Variants in SYN3 observed in about 807,000 individuals in gnomAD.
SYN3 encodes the protein synapsin-3.
A neutral mutation model predicts 65.8 loss-of-function variants in SYN3; 35 were observed. The ratio of observed to expected loss-of-function variants is 0.53; its 90% CI spans 0.41 to 0.70. The LOEUF (loss-of-function observed/expected upper bound fraction) is 0.70. Ranked by LOEUF, SYN3 falls within the 30% of genes least tolerant of loss-of-function variation. The pLI is 0.00. For synonymous variants in SYN3, 270 were observed against 292.9 expected (o/e 0.92, Z 0.80); for missense variants, 680 against 749.0 (o/e 0.91, Z 1.08).
At chr22:32,661,503 C>G (rs369616740) in intron 6 of SYN3, among the ~76,000 whole-genome samples, 3 of 152,342 alleles carry the variant, frequency 2.0e-5, no homozygotes, top group South Asian at 4.1e-4. Context: ...TCCTTTCTTA[C>G]TTACTTTCTT....
chr22:32,697,153 G>C (rs548320510), intron 6 of SYN3, among the ~76,000 whole-genome samples: 1 of 152,292 alleles, frequency 6.6e-6, no homozygotes, highest in Non-Finnish European at 1.5e-5. Context: ...ACCCTCTCCT[G>C]CTTTAAATGC....
intron 6 of SYN3, among the ~76,000 whole-genome samples, chr22:32,652,792 A>G (rs1321132866): frequency 6.6e-6 from 1 of 152,198 alleles, no homozygotes; most frequent in Non-Finnish European, 1.5e-5. Flanking sequence ...TTAGCGGCAG[A>G]GAGGAGATCA....
chr22:33,023,428 G>C (rs1180046190), intron 1 of SYN3, among the ~76,000 whole-genome samples: 3 of 152,128 alleles, frequency 2.0e-5, no homozygotes, highest in Non-Finnish European at 4.4e-5. Flanking sequence ...CTTCCACCAC[G>C]ATTGTGAGGC....
intron 6 of SYN3, among the ~76,000 whole-genome samples, chr22:32,613,213 T>C (rs1217001158): frequency 6.6e-6 from 1 of 151,964 alleles, no homozygotes; most frequent in African/African-American, 2.4e-5. Flanking sequence ...TTTTAATTAA[T>C]TTTTTAAATA....
At chr22:32,658,516 A>T (rs1175247086) in intron 6 of SYN3, among the ~76,000 whole-genome samples, 1 of 152,224 alleles carries the variant, frequency 6.6e-6, no homozygotes, top group African/African-American at 2.4e-5. Context: ...GATGGCAAAA[A>T]TACACATCTC....
intron 6 of SYN3, among the ~76,000 whole-genome samples, chr22:32,790,293 G>T (rs2046292771): frequency 6.6e-6 from 1 of 152,096 alleles, no homozygotes. Context: ...ACAGATGAAA[G>T]TTACCCTGAA....
chr22:33,006,688 G>C lies in SYN3; in HGVS notation c.-26C>G. On this transcript the variant is annotated 5_prime_UTR_variant, in exon 2 of 14. Transcript: ENST00000358763. ...GGCTGTGGATGGATGGAGATGACTG[G>C]CTCCTACCCAGACGTGTGTAGGTGA... The C allele has an allele frequency of 6.4e-7, 1 of 1,552,616 alleles. No homozygotes were observed. The highest frequency in any genetic ancestry group is 8.7e-7 in the Non-Finnish European group (1 of 1,148,602).
intron 6 of SYN3, among the ~76,000 whole-genome samples, chr22:32,782,014 T>C (rs2046078081): frequency 6.6e-6 from 1 of 152,106 alleles, no homozygotes; most frequent in African/African-American, 2.4e-5. Flanking sequence ...CTTCAGAACT[T>C]TTTTTCTGAA....
At chr22:33,000,504 G>A (rs1306689321) in intron 2 of SYN3, among the ~76,000 whole-genome samples, 1 of 152,134 alleles carries the variant, frequency 6.6e-6, no homozygotes, top group African/African-American at 2.4e-5. Flanking sequence ...CATCAGGCAG[G>A]GAAGAGTGGT....
chr22:32,984,106 G>A lies in SYN3; in HGVS notation c.312-3404C>T, dbSNP rs568548457. 3.5e-5 allele frequency among the ~76,000 whole-genome samples: 5 copies of A among 142,202 alleles called. No individual in the cohort carries two copies. In the East Asian group the frequency reaches 1.1e-3, roughly 30 times the overall value. The allele number at this position is 142,202 out of a possible 152,430, so 93.3% of individuals were successfully genotyped here. A position where few individuals can be genotyped will look rare whatever the true frequency, so the allele number is the denominator to read the frequency against. On this transcript the variant is annotated intron_variant, in intron 2 of 13. Coordinates refer to ENST00000358763, the MANE Select transcript of SYN3 (RefSeq NM_003490.4). ...GAACCTGGGAGGCAGAAGTTGCAGT[G>A]AGCCAAGATTGCGCCATTGTACTCC...
At chr22:32,975,854 G>T (rs903214769) in intron 3 of SYN3, among the ~76,000 whole-genome samples, 3 of 152,222 alleles carry the variant, frequency 2.0e-5, no homozygotes, top group Non-Finnish European at 4.4e-5. Flanking sequence ...TAATGAGGAT[G>T]ATGTTCAACC....
intron 4 of SYN3, among the ~76,000 whole-genome samples, chr22:32,893,267 G>T (rs1346091283): frequency 6.6e-6 from 1 of 152,182 alleles, no homozygotes; most frequent in Non-Finnish European, 1.5e-5. Context: ...TATACATTGG[G>T]ATTAATTGGA....
chr22:33,023,082 G>A (rs901989660), intron 1 of SYN3, among the ~76,000 whole-genome samples: 2 of 152,150 alleles, frequency 1.3e-5, no homozygotes, highest in African/African-American at 4.8e-5. Context: ...AGGCATGGTG[G>A]TTCATGCCTG....
intron 4 of SYN3, among the ~76,000 whole-genome samples, chr22:32,919,978 G>C (rs2050292768): frequency 6.6e-6 from 1 of 152,126 alleles, no homozygotes; most frequent in Non-Finnish European, 1.5e-5. Context: ...TCTCCCTCTT[G>C]CCCCAAACAT....
chr22:32,723,819 G>A (rs913974839), intron 6 of SYN3, among the ~76,000 whole-genome samples: 12 of 152,338 alleles, frequency 7.9e-5, no homozygotes, highest in East Asian at 3.9e-4. Flanking sequence ...GCCGGCTGCC[G>A]CCTGGATCCT....
At chr22:33,021,486 T>C (rs187853231) in intron 1 of SYN3, among the ~76,000 whole-genome samples, 2 of 152,306 alleles carry the variant, frequency 1.3e-5, no homozygotes, top group Admixed American at 1.3e-4. Flanking sequence ...CCTACAATGG[T>C]ACATTAGATA....
chr22:32,909,570 C>T (rs997550951), intron 4 of SYN3, among the ~76,000 whole-genome samples: 1 of 152,144 alleles, frequency 6.6e-6, no homozygotes, highest in African/African-American at 2.4e-5. Flanking sequence ...CGTCTTCATC[C>T]AGTTTTTAAA....
At chr22:32,702,467 C>G (rs887532208) in intron 6 of SYN3, among the ~76,000 whole-genome samples, 7 of 152,142 alleles carry the variant, frequency 4.6e-5, no homozygotes, top group Non-Finnish European at 8.8e-5. Flanking sequence ...GAGACTCCGT[C>G]TCAAATAAAT....
At chr22:32,980,509 C>T (rs1199263446) in intron 3 of SYN3, 136 bp downstream of exon 3, 1 of 774,346 alleles carries the variant, frequency 1.3e-6, no homozygotes, top group Non-Finnish European at 2.2e-6. Context: ...ATGAGACTCC[C>T]AAGTATAAGC....
Sources: gnomAD v4.1 joint callset for allele counts (sites outside exome capture counted in the v4.1 genomes callset) on GRCh38, gnomAD v4.1.1 for gene constraint, MANE v1.5 for transcripts, NCBI Gene and HGNC (gene_info 2026-07-23, HGNC 2026-07-21) for gene names.